Variants in PDLIM5 observed in about 807,000 individuals in gnomAD.
The protein encoded by PDLIM5 is PDZ and LIM domain protein 5.
In PDLIM5, 34 loss-of-function variants were observed where a neutral mutation model predicts 64.2. The ratio of observed to expected loss-of-function variants is 0.53; its 90% confidence interval spans 0.40 to 0.71. PDLIM5 has a LOEUF of 0.71. PDLIM5 is among the 30% of genes least tolerant of loss of function. The probability of loss-of-function intolerance (pLI) is 0.00; values close to 1 mark genes in which losing one functional copy is unlikely to be tolerated. For missense variants in PDLIM5, 683 were observed against 733.6 expected (o/e 0.93, Z 0.80); for synonymous variants, 253 against 269.1 (o/e 0.94, Z 0.59).
chr4:94,619,657 C>T (rs1363244671), intron 8 of PDLIM5, among the ~76,000 whole-genome samples: 2 of 152,002 alleles, frequency 1.3e-5, no homozygotes, highest in East Asian at 1.9e-4. Context: ...AAAAGAGAGA[C>T]AGGATCTCAC....
At chr4:94,497,415 T>C (rs1167158653) in intron 2 of PDLIM5, among the ~76,000 whole-genome samples, 1 of 152,170 alleles carries the variant, frequency 6.6e-6, no homozygotes, top group African/African-American at 2.4e-5. Context: ...ACACCTAATA[T>C]AAGTATCCTA....
At chr4:94,651,205 T>C (rs1462076813) in intron 9 of PDLIM5, among the ~76,000 whole-genome samples, 1 of 152,202 alleles carries the variant, frequency 6.6e-6, no homozygotes, top group Non-Finnish European at 1.5e-5. Context: ...TCAAGGGCAT[T>C]GATGGAGAAA....
At chr4:94,496,568 C>T (rs1291686581) in intron 2 of PDLIM5, among the ~76,000 whole-genome samples, 1 of 152,188 alleles carries the variant, frequency 6.6e-6, no homozygotes, top group Non-Finnish European at 1.5e-5. Context: ...CTGTTCACTG[C>T]AGCCTCTGCC....
intron 7 of PDLIM5, among the ~76,000 whole-genome samples, chr4:94,592,530 T>C (rs1473440478): frequency 6.6e-6 from 1 of 152,224 alleles, no homozygotes; most frequent in African/African-American, 2.4e-5. Context: ...CACTGAAGAA[T>C]CCCACAGACT....
intron 3 of PDLIM5, 90 bp from the exon 4 acceptor site, chr4:94,573,261 A>C: frequency 2.2e-6 from 2 of 903,254 alleles, no homozygotes; most frequent in South Asian, 1.5e-5. Flanking sequence ...TATTAAGGCT[A>C]TATTATAATA....
At chr4:94,582,745 C>A in intron 5 of PDLIM5, 3 of 1,526,784 alleles carry the variant, frequency 2.0e-6, no homozygotes, top group Non-Finnish European at 2.7e-6. Context: ...AGTACTTAAC[C>A]AATGATTCAC....
At chr4:94,620,062 T>C (rs1280511646) in intron 8 of PDLIM5, among the ~76,000 whole-genome samples, 1 of 152,202 alleles carries the variant, frequency 6.6e-6, no homozygotes, top group East Asian at 1.9e-4. Flanking sequence ...CCTCATCTCC[T>C]GCTTCACCCA....
intron 2 of PDLIM5, among the ~76,000 whole-genome samples, chr4:94,522,532 C>T (rs1249574912): frequency 3.3e-5 from 5 of 152,040 alleles, no homozygotes; most frequent in Non-Finnish European, 7.4e-5. Context: ...TGCACCACCA[C>T]GCCCGGCTGA....
chr4:94,585,266 A>AT (rs1224488142), intron 5 of PDLIM5, among the ~76,000 whole-genome samples: 1 of 151,780 alleles, frequency 6.6e-6, no homozygotes, highest in Non-Finnish European at 1.5e-5. Flanking sequence ...AATTTTTTGT[A>AT]TTTTTAGCAG....
intron 2 of PDLIM5, among the ~76,000 whole-genome samples, chr4:94,504,519 T>C (rs1728217427): frequency 1.3e-5 from 2 of 152,164 alleles, no homozygotes. Flanking sequence ...TCTCGTGACC[T>C]CGTGATCTGC....
chr4:94,562,655 T>C (rs1433874868), intron 3 of PDLIM5, among the ~76,000 whole-genome samples: 6 of 152,204 alleles, frequency 3.9e-5, no homozygotes, highest in Admixed American at 1.3e-4. Context: ...TGAGATTCCA[T>C]GATGTGAGTA....
At chr4:94,584,167 T>G (rs1437592959) in intron 5 of PDLIM5, among the ~76,000 whole-genome samples, 1 of 152,232 alleles carries the variant, frequency 6.6e-6, no homozygotes, top group Non-Finnish European at 1.5e-5. Flanking sequence ...CACTCACATC[T>G]GACCACATTT....
intron 8 of PDLIM5, among the ~76,000 whole-genome samples, chr4:94,627,127 C>A (rs1420409128): frequency 3.3e-5 from 5 of 152,184 alleles, no homozygotes; most frequent in African/African-American, 1.2e-4. Flanking sequence ...TTGCCATCTG[C>A]TCCCCTGCAT....
At chr4:94,461,182 T>C (rs1455639251) in intron 2 of PDLIM5, among the ~76,000 whole-genome samples, 1 of 152,194 alleles carries the variant, frequency 6.6e-6, no homozygotes, top group East Asian at 1.9e-4. Flanking sequence ...TTTAGCATCG[T>C]ATGAGAGAGA....
intron 3 of PDLIM5, among the ~76,000 whole-genome samples, chr4:94,528,470 G>A (rs1462771148): frequency 2.6e-5 from 4 of 152,042 alleles, no homozygotes; most frequent in African/African-American, 9.7e-5. Context: ...TATTAGTCGT[G>A]GTTCTCCAAG....
chr4:94,471,167 A>T (rs1467271971), intron 2 of PDLIM5, among the ~76,000 whole-genome samples: 6 of 152,198 alleles, frequency 3.9e-5, no homozygotes, highest in Non-Finnish European at 8.8e-5. Flanking sequence ...ACACAGCCAA[A>T]CCATATCAAT....
intron 2 of PDLIM5, among the ~76,000 whole-genome samples, chr4:94,507,218 A>T (rs1358765157): frequency 1.4e-5 from 2 of 147,958 alleles, no homozygotes; most frequent in Non-Finnish European, 3.1e-5. Flanking sequence ...ATAAATTCCC[A>T]TATATATATA....
intron 9 of PDLIM5, among the ~76,000 whole-genome samples, chr4:94,645,967 C>A (rs1420446911): frequency 6.6e-6 from 1 of 152,052 alleles, no homozygotes; most frequent in African/African-American, 2.4e-5. Context: ...TTCTCATCTC[C>A]CCTCTAAAAT....
chr4:94,664,190 TA>T lies in PDLIM5; in HGVS notation c.*126del. On this transcript the variant is annotated 3_prime_UTR_variant, in exon 13 of 13. Transcript: ENST00000317968. ...AAAAATAATAGTGGCCCTGAAGGAA[TA>T]AATTCCAGCTTTAAAAACCAAGTCT... The T allele has an allele frequency of 1.0e-6, 1 of 978,310 alleles. No individual in the cohort carries two copies. Among genetic ancestry groups the T allele is most frequent in the Non-Finnish European group, 1.3e-6 (1 of 772,542 alleles). 60.6% of individuals were successfully genotyped at this position (978,310 alleles called of 1,614,324 possible).
Sources: allele counts gnomAD v4.1 joint callset (sites outside exome capture counted in the v4.1 genomes callset), GRCh38; gene constraint gnomAD v4.1.1; transcripts MANE v1.5; gene names NCBI Gene and HGNC (gene_info 2026-07-23, HGNC 2026-07-21).